KIF15: variants seen among roughly 807,000 people sequenced by gnomAD.
The protein encoded by KIF15 is kinesin family member 15, also known as kinesin-like protein KIF15.
A neutral mutation model predicts 190.6 loss-of-function variants in KIF15; 140 were observed. The observed-to-expected ratio is 0.73, with a 90% CI of 0.64 to 0.84. KIF15 has a LOEUF of 0.84. Among genes scored for constraint, KIF15 ranks in the 40% least tolerant of loss-of-function variants. KIF15 has a pLI of 0.00. For synonymous variants in KIF15, 528 were observed against 551.3 expected (o/e 0.96, Z 0.59); for missense variants, 1,372 against 1,584.4 (o/e 0.87, Z 2.28).
intron 2 of KIF15, 82 bp from the exon 3 acceptor site, chr3:44,775,169 CATT>C (rs1347282461): frequency 1.9e-6 from 2 of 1,049,450 alleles, no homozygotes; most frequent in Admixed American, 2.1e-5. Flanking sequence ...ATTATAGAAA[CATT>C]ATAGGCAATA....
intron 8 of KIF15, among the ~76,000 whole-genome samples, chr3:44,796,719 G>A (rs1021298651): frequency 3.3e-5 from 5 of 152,026 alleles, no homozygotes; most frequent in East Asian, 1.9e-4. Context: ...CTAATGTAAC[G>A]TATTTAGCTC....
intron 11 of KIF15, among the ~76,000 whole-genome samples, 163 bp from the exon 12 acceptor site, chr3:44,801,287 C>T (rs1316870125): frequency 6.6e-6 from 1 of 152,018 alleles, no homozygotes; most frequent in Admixed American, 6.6e-5. Context: ...CTGCTTCAGC[C>T]TCCTAAAGTG....
intron 6 of KIF15, among the ~76,000 whole-genome samples, chr3:44,860,616 C>T (rs1330085880): frequency 6.6e-6 from 1 of 152,146 alleles, no homozygotes; most frequent in Non-Finnish European, 1.5e-5. Flanking sequence ...CGTAATCCAC[C>T]CACCTTTGGC....
At chr3:44,776,658 A>G (rs2125905312) in intron 3 of KIF15, among the ~76,000 whole-genome samples, 1 of 152,288 alleles carries the variant, frequency 6.6e-6, no homozygotes, top group South Asian at 2.1e-4. Flanking sequence ...ATTTAGGATT[A>G]CCGTGATGTC....
At chr3:44,774,822 T>A (rs997970342) in intron 2 of KIF15, among the ~76,000 whole-genome samples, 34 of 152,206 alleles carry the variant, frequency 2.2e-4, no homozygotes, top group African/African-American at 8.0e-4. Flanking sequence ...TAAATTTGGC[T>A]GGGTGCAGGG....
chr3:44,766,295 G>C (rs1575568391), intron 1 of KIF15, among the ~76,000 whole-genome samples: 7 of 152,300 alleles, frequency 4.6e-5, no homozygotes, highest in Admixed American at 6.5e-5. Context: ...TTGTCTCTGA[G>C]TGATACCCTT....
chr3:44,777,432 G>A (rs1705944293), intron 3 of KIF15, among the ~76,000 whole-genome samples: 1 of 152,228 alleles, frequency 6.6e-6, no homozygotes, highest in South Asian at 2.1e-4. Flanking sequence ...TGTGGCTCAC[G>A]CCTGTAATCC....
chr3:44,796,534 G>A (rs1399419028), intron 8 of KIF15, among the ~76,000 whole-genome samples: 1 of 152,124 alleles, frequency 6.6e-6, no homozygotes, highest in Non-Finnish European at 1.5e-5. Flanking sequence ...GATTCAAACC[G>A]AGCTGCTACA....
rs1205497045 is a variant in KIF15, at chr3:44,780,894, T to C, written c.333T>C (p.Thr111=). 6.2e-7 allele frequency: 1 copy of C among 1,601,276 alleles called. No homozygotes were observed. The highest frequency in any genetic ancestry group is 8.5e-7 in the Non-Finnish European group (1 of 1,171,010). Residue 111 remains threonine, a synonymous_variant, in exon 5 of 35, where the codon ACT becomes ACC. Coordinates refer to ENST00000326047, the MANE Select transcript of KIF15 (RefSeq NM_020242.3). The part of the protein sequence containing the change: ...YNGTIFAYGQ[T]GSGKTFTMMG... ...AAAACATTTTTTACAGTGGACAGAC[T>C]GGCTCAGGGAAGACATTTACTATGA...
At chr3:44,836,023 ATGT>A (rs758539951) in intron 26 of KIF15, among the ~76,000 whole-genome samples, 360 of 152,144 alleles carry the variant, frequency 2.4e-3, no homozygotes, top group Non-Finnish European at 4.0e-3. Context: ...AGCCTGGGTA[ATGT>A]TGTTGCAAGA....
At chr3:44,788,315 G>A (rs1350929224) in intron 7 of KIF15, among the ~76,000 whole-genome samples, 2 of 152,094 alleles carry the variant, frequency 1.3e-5, no homozygotes, top group Admixed American at 1.3e-4. Flanking sequence ...AGATAATCTT[G>A]TGCTTTTTCT....
At chr3:44,799,437 T>C (rs1707152443) in intron 10 of KIF15, 5 of 431,488 alleles carry the variant, frequency 1.2e-5, no homozygotes, top group Non-Finnish European at 2.3e-5. Context: ...GTTTTTTCCT[T>C]GCTGGAGTAC....
intron 20 of KIF15, among the ~76,000 whole-genome samples, chr3:44,816,783 T>A (rs1708049674): frequency 6.6e-6 from 1 of 152,230 alleles, no homozygotes; most frequent in African/African-American, 2.4e-5. Context: ...TCAAATGGTA[T>A]TTCTAGTTCT....
chr3:44,829,421 A>ATATATTATATACGCG (rs1697862585), intron 24 of KIF15, among the ~76,000 whole-genome samples: 1 of 140,114 alleles, frequency 7.1e-6, no homozygotes, highest in African/African-American at 2.7e-5. Context: ...TTACATATGT[A>ATATATTATATACGCG]TATATAATAT....
At chr3:44,799,475 C>T (rs1456925749) in intron 10 of KIF15, among the ~76,000 whole-genome samples, 1 of 152,058 alleles carries the variant, frequency 6.6e-6, no homozygotes, top group African/African-American at 2.4e-5. Context: ...AGTCCTCTGA[C>T]CTGGTTGGTA....
intron 26 of KIF15, among the ~76,000 whole-genome samples, chr3:44,835,139 A>G (rs1386634852): frequency 6.6e-6 from 1 of 152,112 alleles, no homozygotes; most frequent in Non-Finnish European, 1.5e-5. Flanking sequence ...AAGCAACATG[A>G]AAAGAGACTT....
At chr3:44,798,432 C>A (rs1214572797) in intron 10 of KIF15, among the ~76,000 whole-genome samples, 1 of 151,828 alleles carries the variant, frequency 6.6e-6, no homozygotes, top group Admixed American at 6.6e-5. Context: ...GTGGTGCGAT[C>A]TCTGCTCAGC....
chr3:44,830,427 T>C (rs1406509682), intron 25 of KIF15, among the ~76,000 whole-genome samples: 2 of 152,182 alleles, frequency 1.3e-5, no homozygotes, highest in African/African-American at 2.4e-5. Flanking sequence ...TTTAGTGGCT[T>C]TGAGGAAAAA....
intron 24 of KIF15, among the ~76,000 whole-genome samples, chr3:44,829,535 G>A (rs1446807390): frequency 8.7e-6 from 1 of 114,352 alleles, no homozygotes; most frequent in African/African-American, 3.7e-5. Context: ...TATATAATAT[G>A]TATATATTAT....
Sources: allele counts gnomAD v4.1 joint callset (sites outside exome capture counted in the v4.1 genomes callset), GRCh38; gene constraint gnomAD v4.1.1; transcripts MANE v1.5; gene names NCBI Gene and HGNC (gene_info 2026-07-23, HGNC 2026-07-21).